The following C2CD3 variants were observed in gnomAD, a reference collection of about 807,000 sequenced individuals.
C2CD3 encodes C2 domain-containing protein 3.
C2CD3 carries 148 observed loss-of-function variants against 234.0 expected under a neutral mutation model. The observed-to-expected ratio is 0.63, with a 90% CI of 0.55 to 0.72. The LOEUF (loss-of-function observed/expected upper bound fraction) is 0.72, where lower values mean the gene tolerates loss of function less well. Among genes scored for constraint, C2CD3 ranks in the 30% least tolerant of loss-of-function variants. The pLI is 0.00. For synonymous variants in C2CD3, 1,000 were observed against 1,035.4 expected (o/e 0.97, Z 0.66); for missense variants, 2,577 against 2,811.5 (o/e 0.92, Z 1.89).
At chr11:74,117,361 AATATATATATATATAT>A (rs71469494) in intron 9 of C2CD3, among the ~76,000 whole-genome samples, 1 of 94,830 alleles carries the variant, frequency 1.1e-5, no homozygotes, top group African/African-American at 4.1e-5. Context: ...TTTGGCCTCA[AATATATATATATATAT>A]ATATATATAT....
At chr11:74,095,161 A>G (rs148073293) in intron 17 of C2CD3, 67 bp downstream of exon 17, 1 of 1,115,736 alleles carries the variant, frequency 9.0e-7, no homozygotes, top group African/African-American at 1.6e-5. Flanking sequence ...TCAGAAAAAA[A>G]AAACTCTTAA....
chr11:74,098,052 G>A lies in C2CD3; in HGVS notation c.2936C>T (p.Pro979Leu). 1 of 1,614,050 alleles carries A rather than the reference G, an allele frequency of 6.2e-7. No homozygotes were observed. The highest frequency in any genetic ancestry group is 1.1e-5 in the South Asian group (1 of 91,090). Residue 979 changes from proline (P) to leucine (L), a missense_variant, in exon 16 of 33, where the codon CCA becomes CTA. Physicochemically the swap from Pro to Leu is moderately conservative, Grantham distance 98. Transcript: ENST00000334126. ...AGTTGGCTGGTCCAGGAAATGGGCT[G>A]GCCTAGGGCTGAAGGGAGGGAGTGT... The part of the protein sequence containing the change: ...EGTLPPFSPR[P>L]AHFLDQPTAA...
intron 8 of C2CD3, among the ~76,000 whole-genome samples, chr11:74,121,253 C>A (rs1430249917): frequency 6.6e-6 from 1 of 152,144 alleles, no homozygotes; most frequent in Non-Finnish European, 1.5e-5. Flanking sequence ...CCTCTTTAAG[C>A]TTTTGTTTCA....
In C2CD3 at chr11:74,144,720, T is replaced by G. The variant is rs1243002802; in HGVS notation, c.484-4892A>C. Among the ~76,000 whole-genome samples, 4 of 152,220 alleles carry G rather than the reference T, an allele frequency of 2.6e-5. No individual in the cohort carries two copies. In the East Asian group the frequency reaches 7.7e-4, roughly 29 times the overall value. Reference sequence around the variant, plus strand: ...CGTGTGGTGCTTGGTTTTCTGTTCCTGCGTTAGTTTGCTAGGGATAATGGC... The same window carrying G: ...CGTGTGGTGCTTGGTTTTCTGTTCCGGCGTTAGTTTGCTAGGGATAATGGC... On this transcript the variant is annotated intron_variant, in intron 3 of 32. Coordinates refer to ENST00000334126, the MANE Select transcript of C2CD3 (RefSeq NM_001286577.2).
intron 18 of C2CD3, 65 bp from the exon 19 acceptor site, chr11:74,092,653 A>G: frequency 7.3e-7 from 1 of 1,377,438 alleles, no homozygotes; most frequent in South Asian, 1.3e-5. Context: ...TCTGCCCCAC[A>G]GATCAGCCTT....
intron 20 of C2CD3, among the ~76,000 whole-genome samples, chr11:74,089,235 C>T (rs538390532): frequency 6.6e-6 from 1 of 152,046 alleles, no homozygotes; most frequent in East Asian, 1.9e-4. Flanking sequence ...GGATCTGTAC[C>T]CTAAACCTTA....
intron 32 of C2CD3, among the ~76,000 whole-genome samples, chr11:74,016,238 G>T (rs537903642): frequency 3.3e-5 from 5 of 152,344 alleles, no homozygotes; most frequent in Admixed American, 6.5e-5. Context: ...CAATCACAGA[G>T]ATGAAGCTTA....
intron 20 of C2CD3, among the ~76,000 whole-genome samples, chr11:74,088,947 G>A (rs1955769817): frequency 6.6e-6 from 1 of 152,142 alleles, no homozygotes; most frequent in African/African-American, 2.4e-5. Context: ...ATACAACTTA[G>A]GAGGTTCATA....
chr11:74,170,911 T>C lies in C2CD3; in HGVS notation c.-119A>G. On this transcript the variant is annotated 5_prime_UTR_variant, in exon 1 of 33. Transcript: ENST00000334126. Reference sequence around the variant, plus strand: ...CGGCAACCGGCGCCGCTGGGCAGCCTGGGAGGCAGGAAAAAGCGACTCTTC... The same window carrying C: ...CGGCAACCGGCGCCGCTGGGCAGCCCGGGAGGCAGGAAAAAGCGACTCTTC... 1 of 1,456,652 alleles carries C rather than the reference T, an allele frequency of 6.9e-7. No homozygotes were observed. The highest frequency in any genetic ancestry group is 9.1e-7 in the Non-Finnish European group (1 of 1,093,490). 90.2% of individuals were successfully genotyped at this position (1,456,652 alleles called of 1,614,324 possible). A position where few individuals can be genotyped will look rare whatever the true frequency, so the allele number is the denominator to read the frequency against.
chr11:74,165,841 T>G (rs547648538), intron 2 of C2CD3, among the ~76,000 whole-genome samples: 2 of 152,048 alleles, frequency 1.3e-5, no homozygotes, highest in Admixed American at 6.6e-5. Flanking sequence ...TTTTTTTTTG[T>G]AGAAACAGGG....
At chr11:74,074,114 C>T (rs1954921252) in intron 24 of C2CD3, 139 bp downstream of exon 24, 1 of 705,356 alleles carries the variant, frequency 1.4e-6, no homozygotes, top group Non-Finnish European at 2.3e-6. Context: ...TTTCATGTTG[C>T]TTAAACCTTT....
chr11:74,103,197 G>T lies in C2CD3; in HGVS notation c.2514C>A (p.Ser838Arg), dbSNP rs749379470. ...CNVYLNCKLFSTEEVTRSVIA... is the reference protein window; with the variant it reads ...CNVYLNCKLFRTEEVTRSVIA... ...TGACAGATCTGGTGACTTCCTCTGT[G>T]CTGAAGAGTTTACAATTTAAATAAA... is the stretch of plus-strand genomic sequence containing the variant. The change falls in exon 14 of 33, where the codon AGC becomes AGA. Residue 838 changes from serine to arginine, a missense_variant. By Grantham distance (110) the Ser-to-Arg change is moderately radical (BLOSUM62 -1). Transcript: ENST00000334126. The T allele has an allele frequency of 6.2e-6, 10 of 1,613,984 alleles. No individual in the cohort carries two copies. In the East Asian group the frequency reaches 2.2e-4, roughly 36 times the overall value.
intron 30 of C2CD3, chr11:74,034,638 T>C (rs1952653902): frequency 6.4e-7 from 1 of 1,564,918 alleles, no homozygotes; most frequent in African/African-American, 1.4e-5. Context: ...GAGAATCCAC[T>C]TATTTACCTA....
intron 32 of C2CD3, among the ~76,000 whole-genome samples, chr11:74,017,264 G>T (rs567923141): frequency 6.6e-6 from 1 of 152,150 alleles, no homozygotes; most frequent in South Asian, 2.1e-4. Flanking sequence ...GGTATTTGAC[G>T]ACTGTACTAG....
At chr11:74,141,602 C>T (rs1325094914) in intron 3 of C2CD3, among the ~76,000 whole-genome samples, 2 of 152,154 alleles carry the variant, frequency 1.3e-5, no homozygotes, top group East Asian at 1.9e-4. Context: ...ACACTTGCCA[C>T]GCCCATCTTA....
intron 32 of C2CD3, among the ~76,000 whole-genome samples, chr11:74,022,786 T>C (rs1354498963): frequency 6.6e-6 from 1 of 152,230 alleles, no homozygotes; most frequent in Non-Finnish European, 1.5e-5. Flanking sequence ...GCAGCGGAAC[T>C]TGATTGATTT....
rs1265290020 is a variant in C2CD3 at position 74,116,927 on chromosome 11, C to CGTGTATATACACATATACACGTATATAT, written c.1520+1273_1520+1300dup. ...ACGTGTATGTATATATACATATACA[C>CGTGTATATACACATATACACGTATATAT]GTGTATATACACATATACACGTATA... is the stretch of plus-strand genomic sequence containing the variant. On this transcript the variant is annotated intron_variant, in intron 9 of 32. Coordinates refer to ENST00000334126, the MANE Select transcript of C2CD3 (RefSeq NM_001286577.2). Among the ~76,000 whole-genome samples the CGTGTATATACACATATACACGTATATAT allele has an allele frequency of 1.1e-3, 105 of 93,190 alleles. 3 individuals carry two copies. The highest frequency in any genetic ancestry group is 4.2e-3 in the African/African-American group (92 of 21,678). The allele number at this position is 93,190 out of a possible 152,430, so 61.1% of individuals were successfully genotyped here. A position where few individuals can be genotyped will look rare whatever the true frequency, so the allele number is the denominator to read the frequency against.
At chr11:74,158,670 C>T (rs550449109) in intron 3 of C2CD3, among the ~76,000 whole-genome samples, 18 of 150,942 alleles carry the variant, frequency 1.2e-4, no homozygotes, top group Middle Eastern at 6.8e-3. Context: ...TGTGGGGAGC[C>T]GAGATGGCGC....
intron 12 of C2CD3, among the ~76,000 whole-genome samples, chr11:74,106,993 C>T: frequency 6.6e-6 from 1 of 152,084 alleles, no homozygotes; most frequent in East Asian, 1.9e-4. Context: ...TGCTCTTTGG[C>T]CCAGTAATTC....
Sources: allele counts gnomAD v4.1 joint callset (sites outside exome capture counted in the v4.1 genomes callset), GRCh38; gene constraint gnomAD v4.1.1; transcripts MANE v1.5; gene names NCBI Gene and HGNC (gene_info 2026-07-23, HGNC 2026-07-21).